The following PCDH11X variants were observed in gnomAD, a reference collection of about 807,000 sequenced individuals.
PCDH11X encodes the protein protocadherin-11 X-linked.
A neutral mutation model predicts 53.3 loss-of-function variants in PCDH11X; 18 were observed. That is an observed-to-expected ratio of 0.34 (90% CI 0.23 to 0.50). The LOEUF (loss-of-function observed/expected upper bound fraction) is 0.50, where lower values mean the gene tolerates loss of function less well. Among genes scored for constraint, PCDH11X ranks in the 20% least tolerant of loss-of-function variants. The probability of loss-of-function intolerance (pLI) is 0.98; values close to 1 mark genes in which losing one functional copy is unlikely to be tolerated. For missense variants in PCDH11X, 570 were observed against 1,032.4 expected (o/e 0.55, Z 6.14); for synonymous variants, 279 against 393.3 (o/e 0.71, Z 3.44).
At chrX:92,288,882 C>A (rs111375035) in intron 8 of PCDH11X, among the ~76,000 whole-genome samples, 2,540 of 108,095 alleles carry the variant, frequency 0.023, 64 homozygotes, top group African/African-American at 0.082. Context: ...TATAATTGAC[C>A]AAATTTTTAT....
At chrX:92,219,549 G>T (rs2066814208) in intron 7 of PCDH11X, among the ~76,000 whole-genome samples, 1 of 108,164 alleles carries the variant, frequency 9.2e-6, no homozygotes, top group Non-Finnish European at 1.9e-5. Flanking sequence ...AATAAAAGAG[G>T]ATACAAACAA....
chrX:92,334,741 T>G (rs1381204645), intron 8 of PCDH11X, among the ~76,000 whole-genome samples: 1 of 111,761 alleles, frequency 8.9e-6, no homozygotes, highest in Non-Finnish European at 1.9e-5. Flanking sequence ...CAAGATAAAC[T>G]TATAGTATCG....
At chrX:92,101,524 C>G (rs898015055) in intron 6 of PCDH11X, among the ~76,000 whole-genome samples, 142 of 111,292 alleles carry the variant, frequency 1.3e-3, no homozygotes, top group Non-Finnish European at 2.3e-3. Flanking sequence ...TCACTGAATA[C>G]TAACAGCCTG....
intron 6 of PCDH11X, among the ~76,000 whole-genome samples, chrX:92,111,553 T>TA (rs1170661063): frequency 2.7e-5 from 3 of 110,470 alleles, no homozygotes; most frequent in East Asian, 2.8e-4. Context: ...TAGGAAATTT[T>TA]AAAAAAACAG....
chrX:91,935,695 G>A (rs185547974), intron 6 of PCDH11X, among the ~76,000 whole-genome samples: 39 of 110,586 alleles, frequency 3.5e-4, no homozygotes, highest in African/African-American at 1.3e-3. Context: ...AGGAGGTCCT[G>A]ATGCCACGTG....
At chrX:92,313,890 C>T (rs6618959) in intron 8 of PCDH11X, among the ~76,000 whole-genome samples, 27,216 of 110,315 alleles carry the variant, frequency 0.25, 2,726 homozygotes, top group East Asian at 0.69. Flanking sequence ...AGGGCAATTA[C>T]CATGAATGAG....
intron 6 of PCDH11X, among the ~76,000 whole-genome samples, chrX:91,988,367 C>T (rs764237273): frequency 8.9e-6 from 1 of 112,156 alleles, no homozygotes; most frequent in South Asian, 3.7e-4. Context: ...TATCTTAAGA[C>T]ATGTGTCATG....
At chrX:91,961,833 G>T (rs970838610) in intron 6 of PCDH11X, among the ~76,000 whole-genome samples, 1 of 109,092 alleles carries the variant, frequency 9.2e-6, no homozygotes, top group African/African-American at 3.4e-5. Flanking sequence ...AATCATGGCA[G>T]AAGAGGAAGC....
chrX:91,976,184 C>CT (rs2147918662), intron 6 of PCDH11X, among the ~76,000 whole-genome samples: 1 of 111,610 alleles, frequency 9.0e-6, no homozygotes, highest in Non-Finnish European at 1.9e-5. Flanking sequence ...TTCTGAGTAG[C>CT]TGGGACTACA....
In PCDH11X at chrX:91,880,709, C is replaced by T. The variant is rs372182975; in HGVS notation, c.3033+1436C>T. Among the ~76,000 whole-genome samples the T allele has an allele frequency of 5.4e-3, 593 of 110,027 alleles. 4 individuals are homozygous for T. Among genetic ancestry groups the T allele is most frequent in the African/African-American group, 0.019 (571 of 30,379 alleles). ...TTCTGTTAGACTTTAAAAGAATTTA[C>T]GCTGCAGTTGTTATTTCTACAGTTT... On this transcript the variant is annotated intron_variant, in intron 6 of 10. Transcript: ENST00000682573.
intron 10 of PCDH11X, among the ~76,000 whole-genome samples, chrX:92,597,192 A>T (rs1925717664): frequency 9.0e-6 from 1 of 111,485 alleles, no homozygotes; most frequent in Non-Finnish European, 1.9e-5. Flanking sequence ...CAATCAGACA[A>T]GAGAAATACA....
intron 10 of PCDH11X, among the ~76,000 whole-genome samples, chrX:92,617,542 C>A (rs183933270): frequency 0.012 from 1,336 of 109,967 alleles, 28 homozygotes; most frequent in East Asian, 0.066. Context: ...GATATAGTAA[C>A]TCCATCTCTA....
chrX:92,338,974 A>C (rs1182707630), intron 8 of PCDH11X, among the ~76,000 whole-genome samples: 2 of 111,761 alleles, frequency 1.8e-5, no homozygotes, highest in Non-Finnish European at 3.8e-5. Context: ...CATTCTAAGC[A>C]AAAAGAACAA....
At chrX:92,571,854 G>A (rs753959023) in intron 10 of PCDH11X, among the ~76,000 whole-genome samples, 2 of 112,100 alleles carry the variant, frequency 1.8e-5, no homozygotes, top group East Asian at 5.6e-4. Flanking sequence ...CAGTAGGAAG[G>A]AAGGATAAAT....
chrX:92,171,537 G>A (rs778459774), intron 6 of PCDH11X, among the ~76,000 whole-genome samples: 2 of 111,248 alleles, frequency 1.8e-5, no homozygotes, highest in African/African-American at 6.5e-5. Context: ...TCAGCTCACT[G>A]TAACCTGTGC....
At chrX:92,111,906 G>A (rs2064523118) in intron 6 of PCDH11X, among the ~76,000 whole-genome samples, 1 of 109,460 alleles carries the variant, frequency 9.1e-6, no homozygotes, top group Non-Finnish European at 1.9e-5. Context: ...ACAGGCGCCC[G>A]CCACCTCGCC....
rs768397579 is a variant in PCDH11X at position 92,548,790 on chromosome X, A to C, written c.3368-69474A>C. Among the ~76,000 whole-genome samples the C allele has an allele frequency of 3.6e-5, 4 of 110,500 alleles. No individual in the cohort carries two copies. The South Asian group carries it at 1.6e-3, about 43-fold the overall frequency. ...AAAAAGGTACACTTGTTTTTCAGTG[A>C]TATGTTCGATCCATCATTAGAGAAT... On this transcript the variant is annotated intron_variant, in intron 10 of 10. Transcript: ENST00000682573.
At chrX:92,512,484 GT>G (rs1164201091) in intron 10 of PCDH11X, among the ~76,000 whole-genome samples, 2 of 111,581 alleles carry the variant, frequency 1.8e-5, no homozygotes, top group East Asian at 2.8e-4. Flanking sequence ...AGGAGACTGG[GT>G]TTATGAAATA....
chrX:92,032,092 A>G lies in PCDH11X; in HGVS notation c.3033+152819A>G, dbSNP rs1020770919. On this transcript the variant is annotated intron_variant, in intron 6 of 10. Coordinates refer to ENST00000682573, the MANE Select transcript of PCDH11X (RefSeq NM_032968.5). The stretch of plus-strand genomic sequence containing the variant: ...CATTGAGTAGTGTGGCCATTTTAAC[A>G]ATATTCATTCTTCCAATTCATTAAC... 8.0e-4 allele frequency among the ~76,000 whole-genome samples: 89 copies of G among 111,829 alleles called. 1 individual carries two copies. The highest frequency in any genetic ancestry group is 2.7e-3 in the African/African-American group (82 of 30,806).
Sources: allele counts gnomAD v4.1 joint callset (sites outside exome capture counted in the v4.1 genomes callset), GRCh38; gene constraint gnomAD v4.1.1; transcripts MANE v1.5; gene names NCBI Gene and HGNC (gene_info 2026-07-23, HGNC 2026-07-21).